Variants in TMPRSS15 observed in about 807,000 individuals in gnomAD.
TMPRSS15 encodes the protein transmembrane serine protease 15.
In TMPRSS15, 128 loss-of-function variants were observed where a neutral mutation model predicts 125.3. The ratio of observed to expected loss-of-function variants is 1.02; its 90% confidence interval spans 0.89 to 1.18. The LOEUF (loss-of-function observed/expected upper bound fraction) is 1.18. Ranked by LOEUF, TMPRSS15 falls within the 50% of genes most tolerant of loss-of-function variation. The probability of loss-of-function intolerance (pLI) is 0.00; values close to 1 mark genes in which losing one functional copy is unlikely to be tolerated. For synonymous variants in TMPRSS15, 446 were observed against 423.2 expected (o/e 1.05, Z -0.66); for missense variants, 1,283 against 1,212.7 (o/e 1.06, Z -0.86).
At chr21:18,463,093 C>T (rs1427969529) in intron 1 of TMPRSS15, among the ~76,000 whole-genome samples, 1 of 151,500 alleles carries the variant, frequency 6.6e-6, no homozygotes, top group Non-Finnish European at 1.5e-5. Flanking sequence ...TGTAAATGGG[C>T]TAATTGCCTC....
rs146314144 is a variant in TMPRSS15, at chr21:18,418,206, A to G, written c.11-19877T>C. ...CCCATTAGATACTTTAATGCTTGCT[A>G]CTAGCTGGAAGACGATACCCAAAAT... On this transcript the variant is annotated intron_variant, in intron 1 of 7. Coordinates refer to the TMPRSS15 transcript ENST00000422787. 8.4e-3 allele frequency among the ~76,000 whole-genome samples: 1,277 copies of G among 152,308 alleles called. 24 individuals carry two copies. Among genetic ancestry groups the G allele is most frequent in the African/African-American group, 0.029 (1,195 of 41,558 alleles).
intron 16 of TMPRSS15, among the ~76,000 whole-genome samples, chr21:18,317,675 C>G (rs1479123658): frequency 6.6e-6 from 1 of 151,980 alleles, no homozygotes; most frequent in East Asian, 1.9e-4. Context: ...TAAGTAATAA[C>G]TCTAGGATAC....
rs535189365 is a variant in TMPRSS15 at position 18,306,710 on chromosome 21, A to G, written c.2165+6235T>C. Among the ~76,000 whole-genome samples the G allele has an allele frequency of 3.3e-5, 5 of 152,214 alleles. No homozygotes were observed. The South Asian group carries it at 1.0e-3, about 32-fold the overall frequency. ...AATGATTTAGCAGGGTAAATCAGCT[A>G]TATCATTTATATATTGGGTTAGTAA... On this transcript the variant is annotated intron_variant, in intron 18 of 24. Coordinates refer to ENST00000284885, the MANE Select transcript of TMPRSS15 (RefSeq NM_002772.3).
At chr21:18,313,387 C>T (rs1057052092) in intron 17 of TMPRSS15, among the ~76,000 whole-genome samples, 3 of 151,278 alleles carry the variant, frequency 2.0e-5, no homozygotes, top group African/African-American at 7.3e-5. Flanking sequence ...TGTATATACA[C>T]ATTCTCTGTA....
In TMPRSS15 at chr21:18,374,803, CA is replaced by C. The variant is rs564699428; in HGVS notation, c.533-2480del. On this transcript the variant is annotated intron_variant, in intron 5 of 24. Coordinates refer to ENST00000284885, the MANE Select transcript of TMPRSS15 (RefSeq NM_002772.3). Reference sequence around the variant, plus strand: ...TGAAAGATGAGGGCTAGAACTCTCACAATGGCAGAGGAGATGGGACATGGAC... The same window carrying C: ...TGAAAGATGAGGGCTAGAACTCTCACATGGCAGAGGAGATGGGACATGGAC... Among the ~76,000 whole-genome samples, 11 of 152,212 alleles carry C rather than the reference CA, an allele frequency of 7.2e-5. No individual in the cohort carries two copies. The South Asian group carries it at 2.3e-3, about 32-fold the overall frequency.
intron 13 of TMPRSS15, among the ~76,000 whole-genome samples, chr21:18,333,844 C>G (rs1292103200): frequency 8.2e-6 from 1 of 121,488 alleles, no homozygotes; most frequent in Non-Finnish European, 1.7e-5. Context: ...GAAACAAATT[C>G]TAAAGTAATG....
chr21:18,393,643 C>T (rs73196458), intron 3 of TMPRSS15, among the ~76,000 whole-genome samples: 3,544 of 152,174 alleles, frequency 0.023, 85 homozygotes, highest in Non-Finnish European at 0.03. Context: ...TGCCTAATAA[C>T]GTTAGTAAAA....
At chr21:18,321,573 C>A (rs944968763) in intron 16 of TMPRSS15, among the ~76,000 whole-genome samples, 4 of 152,080 alleles carry the variant, frequency 2.6e-5, no homozygotes, top group Non-Finnish European at 5.9e-5. Flanking sequence ...AGGATGGTCT[C>A]AATCTCCTGC....
At chr21:18,475,568 G>A (rs776956540) in intron 1 of TMPRSS15, among the ~76,000 whole-genome samples, 2 of 152,142 alleles carry the variant, frequency 1.3e-5, no homozygotes, top group Non-Finnish European at 2.9e-5. Flanking sequence ...CTCCAGCCTG[G>A]ATGACAGAGC....
rs149147539 is a variant in TMPRSS15, at chr21:18,288,528, C to CTT, written c.2486+5740_2486+5741dup. Among the ~76,000 whole-genome samples, 630 of 96,954 alleles carry CTT rather than the reference C, an allele frequency of 6.5e-3. 23 individuals carry two copies. The highest frequency in any genetic ancestry group is 0.02 in the African/African-American group (488 of 24,922). 63.6% of individuals were successfully genotyped at this position (96,954 alleles called of 152,430 possible). A position where few individuals can be genotyped will look rare whatever the true frequency, so the allele number is the denominator to read the frequency against. ...CTATTGTCCTAAGAAAATGCTCTTC[C>CTT]TTTTTTTTTTTTTTTTTTTTTTTTT... On this transcript the variant is annotated intron_variant, in intron 21 of 24. Coordinates refer to ENST00000284885, the MANE Select transcript of TMPRSS15 (RefSeq NM_002772.3).
chr21:18,326,414 T>C lies in TMPRSS15; in HGVS notation c.1921+18A>G, dbSNP rs1601337935. ...GCTCCAAAAGTTATGATGCAATGTG[T>C]GATTTATGGGCTCCTACCTGGAATC... is the stretch of plus-strand genomic sequence containing the variant. On this transcript the variant is annotated intron_variant, in intron 16 of 24. Transcript: ENST00000284885. 6.8e-6 allele frequency: 11 copies of C among 1,614,098 alleles called. No homozygotes were observed. The highest frequency in any genetic ancestry group is 4.5e-5 in the East Asian group (2 of 44,870).
chr21:18,485,706 A>G (rs1477331648), intron 1 of TMPRSS15: 1 of 155,082 alleles, frequency 6.4e-6, no homozygotes, highest in East Asian at 1.9e-4. Context: ...ATTTACTGTA[A>G]TTCTTTATTG....
intron 3 of TMPRSS15, among the ~76,000 whole-genome samples, chr21:18,388,251 G>T (rs1043985754): frequency 1.3e-4 from 20 of 152,212 alleles, no homozygotes; most frequent in African/African-American, 4.6e-4. Flanking sequence ...TAAAATATTT[G>T]TCAAGGTCTG....
chr21:18,445,926 G>T (rs373500495), intron 1 of TMPRSS15, among the ~76,000 whole-genome samples: 1 of 152,108 alleles, frequency 6.6e-6, no homozygotes, highest in African/African-American at 2.4e-5. Context: ...TTCTCCACTT[G>T]TATTCAAAAT....
intron 10 of TMPRSS15, among the ~76,000 whole-genome samples, chr21:18,348,813 T>C (rs2075535440): frequency 6.6e-6 from 1 of 152,222 alleles, no homozygotes; most frequent in Non-Finnish European, 1.5e-5. Flanking sequence ...TCGAATACTT[T>C]TGCAGTATGA....
At chr21:18,380,544 A>C (rs1302435113) in intron 4 of TMPRSS15, 2 of 470,704 alleles carry the variant, frequency 4.2e-6, no homozygotes, top group Non-Finnish European at 8.8e-6. Flanking sequence ...ACTGACCTGA[A>C]GTTGTTGCAG....
chr21:18,373,750 A>G (rs2147049444), intron 5 of TMPRSS15, among the ~76,000 whole-genome samples: 1 of 152,314 alleles, frequency 6.6e-6, no homozygotes, highest in South Asian at 2.1e-4. Flanking sequence ...CCACTTCCTG[A>G]TGTATCACAT....
At chr21:18,418,474 C>T (rs988682187) in intron 1 of TMPRSS15, among the ~76,000 whole-genome samples, 5 of 152,144 alleles carry the variant, frequency 3.3e-5, no homozygotes, top group Non-Finnish European at 7.3e-5. Context: ...TGCCTCTCTA[C>T]ATCAGCTGGA....
At chr21:18,360,014 C>T in intron 7 of TMPRSS15, 151 bp from the exon 8 acceptor site, 1 of 522,512 alleles carries the variant, frequency 1.9e-6, no homozygotes, top group Non-Finnish European at 3.5e-6. Flanking sequence ...TGCAGTATTG[C>T]CGGTTATGAA....
Sources: gnomAD v4.1 joint callset for allele counts (sites outside exome capture counted in the v4.1 genomes callset) on GRCh38, gnomAD v4.1.1 for gene constraint, MANE v1.5 for transcripts, NCBI Gene and HGNC (gene_info 2026-07-23, HGNC 2026-07-21) for gene names.